RIC3: variants seen among roughly 807,000 people sequenced by gnomAD.
The protein encoded by RIC3 is RIC3 acetylcholine receptor chaperone, also known as protein RIC-3.
RIC3 carries 28 observed loss-of-function variants against 27.3 expected under a neutral mutation model. The observed-to-expected ratio is 1.02, with a 90% CI of 0.76 to 1.41. RIC3 has a LOEUF of 1.41. RIC3 is among the 40% of genes most tolerant of loss of function. The probability of loss-of-function intolerance (pLI) is 0.00; values close to 1 mark genes in which losing one functional copy is unlikely to be tolerated. For synonymous variants in RIC3, 184 were observed against 160.4 expected, an observed-to-expected ratio of 1.15 and a Z score of -1.11; for missense variants, 501 against 444.7, an observed-to-expected ratio of 1.13 and a Z score of -1.14.
intron 1 of RIC3, among the ~76,000 whole-genome samples, chr11:8,148,624 C>T (rs759239973): frequency 4.1e-4 from 62 of 152,154 alleles, no homozygotes; most frequent in Middle Eastern, 6.8e-3. Context: ...TTACACATCT[C>T]CCCCAAAACT....
rs1464287760 is a variant in RIC3 at position 8,108,164 on chromosome 11, T to C, written c.*2534A>G. 1 of 152,208 alleles carries C rather than the reference T, an allele frequency of 6.6e-6. No individual in the cohort carries two copies. The highest frequency in any genetic ancestry group is 2.4e-5 in the African/African-American group (1 of 41,446). 9.4% of individuals were successfully genotyped at this position (152,208 alleles called of 1,614,324 possible). A position where few individuals can be genotyped will look rare whatever the true frequency, so the allele number is the denominator to read the frequency against. On this transcript the variant is annotated 3_prime_UTR_variant, in exon 6 of 6. Coordinates refer to ENST00000309737, the MANE Select transcript of RIC3 (RefSeq NM_001206671.4). Reference sequence around the variant, plus strand: ...GGGCTTAGTACTTCTGGCAGGAATTTCCATAAGCCAATTTTCCCCAAAGAC... The same window carrying C: ...GGGCTTAGTACTTCTGGCAGGAATTCCCATAAGCCAATTTTCCCCAAAGAC...
At chr11:8,154,868 G>T (rs1049637765) in intron 1 of RIC3, among the ~76,000 whole-genome samples, 1 of 152,066 alleles carries the variant, frequency 6.6e-6, no homozygotes, top group Admixed American at 6.6e-5. Context: ...TATCTCTATA[G>T]GTACTTAAGT....
downstream of RIC3, chr11:8,101,757 A>G (rs1267572175): frequency 3.4e-5 from 48 of 1,423,178 alleles, 1 homozygote; most frequent in Non-Finnish European, 4.0e-5. Context: ...TCCCTGGCCC[A>G]GCCAGCCAGG....
chr11:8,098,738 T>C, the RIC3 span: 1 of 1,578,874 alleles, frequency 6.3e-7, no homozygotes, highest in South Asian at 1.1e-5. Context: ...GACTCTATAC[T>C]GATTGTGCCT....
intron 5 of RIC3, among the ~76,000 whole-genome samples, chr11:8,122,629 C>T (rs534195805): frequency 1.3e-5 from 2 of 152,114 alleles, no homozygotes; most frequent in Admixed American, 6.5e-5. Flanking sequence ...TGTTCCTCAA[C>T]TGGTGAATGG....
chr11:8,121,281 G>T (rs1443390952), intron 5 of RIC3, among the ~76,000 whole-genome samples: 1 of 152,094 alleles, frequency 6.6e-6, no homozygotes, highest in Non-Finnish European at 1.5e-5. Context: ...AGGAAAAACT[G>T]AATTTCATTT....
At chr11:8,157,597 T>G (rs964084729) in intron 1 of RIC3, among the ~76,000 whole-genome samples, 6 of 152,196 alleles carry the variant, frequency 3.9e-5, no homozygotes, top group Non-Finnish European at 7.3e-5. Flanking sequence ...GCCTAGTGTT[T>G]TATTTGTTTG....
downstream of RIC3, chr11:8,104,158 A>C (rs755885399): frequency 6.6e-6 from 1 of 152,310 alleles, no homozygotes; most frequent in Admixed American, 6.5e-5. Context: ...CTCTCCCACA[A>C]TAAGAGTTCT....
Position 8,140,098 on chromosome 11 carries a change from C to G in RIC3, c.220G>C (p.Glu74Gln). ...GATCCTTTGGCCTTTGCAAATGCCT[C>G]GGCAAGGTGAGACCTCTGGAAACGA... ...GARFQRSHLA[E>Q]AFAKAKGSGG... The change falls in exon 2 of 6, where the codon GAG (glutamate) becomes CAG (glutamine). Residue 74 changes from glutamate (E) to glutamine (Q), a missense_variant. Glu to Gln is a conservative substitution (Grantham distance 29). Transcript: ENST00000309737. The G allele has an allele frequency of 6.2e-7, 1 of 1,614,110 alleles. No homozygotes were observed. Among genetic ancestry groups the G allele is most frequent in the Non-Finnish European group, 8.5e-7 (1 of 1,180,022 alleles).
chr11:8,134,685 A>G (rs572284098), intron 4 of RIC3, among the ~76,000 whole-genome samples: 26 of 152,214 alleles, frequency 1.7e-4, no homozygotes, highest in African/African-American at 6.0e-4. Context: ...AATGATCGCC[A>G]TTCTAACTGG....
chr11:8,101,027 T>A, the RIC3 span: 1 of 1,613,228 alleles, frequency 6.2e-7, no homozygotes, highest in Non-Finnish European at 8.5e-7. Flanking sequence ...CTCATTATGG[T>A]CCGTAGGATA....
chr11:8,119,373 G>T (rs868285528), intron 5 of RIC3, among the ~76,000 whole-genome samples: 12 of 152,054 alleles, frequency 7.9e-5, no homozygotes, highest in African/African-American at 2.9e-4. Flanking sequence ...CAGAACAGAG[G>T]CCTCAGAAAT....
At chr11:8,114,984 G>A (rs80116671) in intron 5 of RIC3, among the ~76,000 whole-genome samples, 5,353 of 152,206 alleles carry the variant, frequency 0.035, 121 homozygotes, top group Non-Finnish European at 0.057. Flanking sequence ...TATGGGAACT[G>A]GAGTTCAAGA....
At chr11:8,118,082 G>A (rs1946052451) in intron 5 of RIC3, among the ~76,000 whole-genome samples, 1 of 151,860 alleles carries the variant, frequency 6.6e-6, no homozygotes. Context: ...AATTAGCCAG[G>A]CGTGGTGGCA....
intron 1 of RIC3, among the ~76,000 whole-genome samples, chr11:8,157,510 C>T (rs1302066970): frequency 1.3e-5 from 2 of 152,168 alleles, no homozygotes; most frequent in South Asian, 2.1e-4. Flanking sequence ...ATGAGTAATA[C>T]ACTCAACTTG....
chr11:8,128,687 TA>T (rs1490818874), intron 4 of RIC3, among the ~76,000 whole-genome samples: 2 of 152,050 alleles, frequency 1.3e-5, no homozygotes, highest in Non-Finnish European at 2.9e-5. Flanking sequence ...CACCATCCAT[TA>T]TTTTCTTCCA....
Position 8,107,327 on chromosome 11 carries a change from T to C in RIC3, c.*3371A>G, listed in dbSNP as rs910006277. On this transcript the variant is annotated 3_prime_UTR_variant, in exon 6 of 6. Transcript: ENST00000309737. ...TAGAGTTCTGATGTGACCAAGAGCA[T>C]TTCCTACCTGAACCATGGCCTATCT... 4 of 152,184 alleles carry C rather than the reference T, an allele frequency of 2.6e-5. No homozygotes were observed. Among genetic ancestry groups the C allele is most frequent in the African/African-American group, 9.6e-5 (4 of 41,458 alleles). The allele number at this position is 152,184 out of a possible 1,614,324, so 9.4% of individuals were successfully genotyped here.
intron 5 of RIC3, among the ~76,000 whole-genome samples, chr11:8,112,797 G>T (rs1945424117): frequency 6.6e-6 from 1 of 152,088 alleles, no homozygotes; most frequent in African/African-American, 2.4e-5. Context: ...AGGGCATTTA[G>T]ATTCTTTCCA....
At chr11:8,146,735 T>A (rs940370434) in intron 1 of RIC3, among the ~76,000 whole-genome samples, 2 of 141,908 alleles carry the variant, frequency 1.4e-5, no homozygotes, top group Admixed American at 1.4e-4. Context: ...CGGGGCGGGG[T>A]GGCAGGGGGC....
Sources: gnomAD v4.1 joint callset for allele counts (sites outside exome capture counted in the v4.1 genomes callset) on GRCh38, gnomAD v4.1.1 for gene constraint, MANE v1.5 for transcripts, NCBI Gene and HGNC (gene_info 2026-07-23, HGNC 2026-07-21) for gene names.